Variants in OR9Q1 observed in about 807,000 individuals in gnomAD.
OR9Q1 encodes olfactory receptor 9Q1.
For synonymous variants in OR9Q1, 153 were observed against 148.6 expected (o/e 1.03, Z -0.22); for missense variants, 374 against 378.8 (o/e 0.99, Z 0.11).
chr11:58,180,417 T>A lies in OR9Q1; in HGVS notation c.*40T>A. ...GGAAAATCCCGAGAACCACCTACTC[T>A]GTAGTGTCAGAATTCTGGACGCTCA... On this transcript the variant is annotated 3_prime_UTR_variant, in exon 3 of 3. Transcript: ENST00000335397. The A allele has an allele frequency of 7.7e-7, 1 of 1,294,880 alleles. No homozygotes were observed. Among genetic ancestry groups the A allele is most frequent in the Non-Finnish European group, 1.1e-6 (1 of 930,880 alleles). 80.2% of individuals were successfully genotyped at this position (1,294,880 alleles called of 1,614,324 possible).
chr11:58,063,598 A>AG (rs1324874226), intron 2 of OR9Q1, among the ~76,000 whole-genome samples: 2 of 152,232 alleles, frequency 1.3e-5, no homozygotes, highest in Admixed American at 6.5e-5. Flanking sequence ...GACTGACGAT[A>AG]GGTACATATC....
chr11:58,083,481 G>A (rs545235554), intron 2 of OR9Q1, among the ~76,000 whole-genome samples: 2 of 152,118 alleles, frequency 1.3e-5, no homozygotes, highest in South Asian at 4.1e-4. Flanking sequence ...GGTCCCACTT[G>A]TCAATTTTTG....
At chr11:58,136,474 C>T (rs961732365) in intron 2 of OR9Q1, among the ~76,000 whole-genome samples, 6 of 152,182 alleles carry the variant, frequency 3.9e-5, no homozygotes, top group Admixed American at 3.9e-4. Context: ...ATATTTTCCT[C>T]TGAGGCCAAA....
At chr11:58,083,247 C>A (rs1215074312) in intron 2 of OR9Q1, among the ~76,000 whole-genome samples, 1 of 152,022 alleles carries the variant, frequency 6.6e-6, no homozygotes, top group African/African-American at 2.4e-5. Context: ...GTTTTCCCAG[C>A]ACCATTTATT....
chr11:58,068,408 G>T (rs1160786875), intron 2 of OR9Q1, among the ~76,000 whole-genome samples: 1 of 151,846 alleles, frequency 6.6e-6, no homozygotes, highest in Admixed American at 6.6e-5. Context: ...TTCCATGCCA[G>T]GTTGGTGGCT....
chr11:58,069,847 G>A (rs1014480348), intron 2 of OR9Q1, among the ~76,000 whole-genome samples: 1 of 151,778 alleles, frequency 6.6e-6, no homozygotes, highest in African/African-American at 2.4e-5. Flanking sequence ...TCCAGCCTGT[G>A]TGACAGAGTG....
chr11:58,107,136 ACG>A, intron 2 of OR9Q1, among the ~76,000 whole-genome samples: 1 of 152,018 alleles, frequency 6.6e-6, no homozygotes, highest in East Asian at 1.9e-4. Context: ...ATTATACTTT[ACG>A]TTCTAGGGTA....
rs17152457 is a variant in OR9Q1 at position 58,168,101 on chromosome 11, C to T, written c.-14-11330C>T. 6.9e-3 allele frequency among the ~76,000 whole-genome samples: 1,055 copies of T among 152,262 alleles called. 10 individuals are homozygous for T. Among genetic ancestry groups the T allele is most frequent in the African/African-American group, 0.019 (774 of 41,536 alleles). Reference sequence around the variant, plus strand: ...TTGAATTAAAATAATAGATTTCATTCCAAAAACTGACACATGATAAACACT... The same window carrying T: ...TTGAATTAAAATAATAGATTTCATTTCAAAAACTGACACATGATAAACACT... On this transcript the variant is annotated intron_variant, in intron 2 of 2. Coordinates refer to ENST00000335397, the MANE Select transcript of OR9Q1 (RefSeq NM_001005212.4).
At chr11:58,110,875 C>G (rs1853893084) in intron 2 of OR9Q1, among the ~76,000 whole-genome samples, 1 of 152,100 alleles carries the variant, frequency 6.6e-6, no homozygotes, top group African/African-American at 2.4e-5. Context: ...GATGAAGTCC[C>G]TGGAGAGTGG....
At chr11:58,054,053 A>T (rs1413384521) in intron 1 of OR9Q1, among the ~76,000 whole-genome samples, 2 of 152,212 alleles carry the variant, frequency 1.3e-5, no homozygotes, top group African/African-American at 4.8e-5. Context: ...TTATTATGGT[A>T]ACCATTACAC....
chr11:58,045,852 A>G (rs1388039240), intron 1 of OR9Q1, among the ~76,000 whole-genome samples: 2 of 152,188 alleles, frequency 1.3e-5, no homozygotes, highest in Non-Finnish European at 2.9e-5. Flanking sequence ...CCTCAGCACT[A>G]CTGACACAGG....
chr11:58,089,162 G>A (rs1316760165), intron 2 of OR9Q1, among the ~76,000 whole-genome samples: 3 of 151,846 alleles, frequency 2.0e-5, no homozygotes, highest in Non-Finnish European at 2.9e-5. Context: ...ACAAGCGTGA[G>A]CCACCATGCC....
intron 2 of OR9Q1, among the ~76,000 whole-genome samples, chr11:58,076,398 C>T (rs1853539070): frequency 6.6e-6 from 1 of 152,164 alleles, no homozygotes; most frequent in Non-Finnish European, 1.5e-5. Context: ...CTGCTGTTTG[C>T]ATAGCTGTGG....
chr11:58,167,291 T>C (rs1854514877), intron 2 of OR9Q1, among the ~76,000 whole-genome samples: 1 of 152,206 alleles, frequency 6.6e-6, no homozygotes, highest in Admixed American at 6.5e-5. Context: ...TCGAGTTTGT[T>C]TTTAGTACTT....
chr11:58,169,080 A>C (rs911504440), intron 2 of OR9Q1, among the ~76,000 whole-genome samples: 2 of 152,136 alleles, frequency 1.3e-5, no homozygotes, highest in African/African-American at 4.8e-5. Flanking sequence ...TTGGATATTA[A>C]ATTCTAAATG....
intron 2 of OR9Q1, among the ~76,000 whole-genome samples, chr11:58,161,394 C>G (rs112946818): frequency 5.9e-5 from 9 of 152,026 alleles, no homozygotes; most frequent in Admixed American, 5.9e-4. Flanking sequence ...AAGAATGAGG[C>G]AATGGCGTAA....
At chr11:58,167,241 CT>C (rs1854513746) in intron 2 of OR9Q1, among the ~76,000 whole-genome samples, 1 of 152,108 alleles carries the variant, frequency 6.6e-6, no homozygotes, top group Non-Finnish European at 1.5e-5. Flanking sequence ...TTCTTTACCC[CT>C]GAATTTGACA....
chr11:58,058,739 CA>C (rs1853350369), intron 2 of OR9Q1, among the ~76,000 whole-genome samples: 1 of 152,180 alleles, frequency 6.6e-6, no homozygotes, highest in Non-Finnish European at 1.5e-5. Context: ...GAAGGCCATG[CA>C]GCCACCCTCG....
chr11:58,179,800 C>G lies in OR9Q1; in HGVS notation c.356C>G (p.Ala119Gly), dbSNP rs1323127150. 6.2e-7 allele frequency: 1 copy of G among 1,614,214 alleles called. No individual in the cohort carries two copies. ...SIDCYLLALM[A>G]YDRYLAVCQP... is the part of the protein sequence containing the mutation. ...GACTGCTACCTCTTGGCCCTCATGGCCTATGACCGCTACTTGGCTGTGTGC... is the reference window on the plus strand; with the variant it reads ...GACTGCTACCTCTTGGCCCTCATGGGCTATGACCGCTACTTGGCTGTGTGC... Residue 119 changes from alanine (A) to glycine (G), a missense_variant, in exon 3 of 3, where the codon GCC becomes GGC. Ala to Gly is a moderately conservative substitution (Grantham distance 60). Transcript: ENST00000335397.
Sources: allele counts gnomAD v4.1 joint callset (sites outside exome capture counted in the v4.1 genomes callset), GRCh38; gene constraint gnomAD v4.1.1; transcripts MANE v1.5; gene names NCBI Gene and HGNC (gene_info 2026-07-23, HGNC 2026-07-21).